GTF2IRD1: variants seen among roughly 807,000 people sequenced by gnomAD.
GTF2IRD1 encodes the protein GTF2I repeat domain containing 1.
Under a neutral mutation model 113.2 loss-of-function variants are expected in GTF2IRD1, and 26 were observed. The observed-to-expected ratio is 0.23, with a 90% CI of 0.17 to 0.32. GTF2IRD1 has a LOEUF of 0.32. Among genes scored for constraint, GTF2IRD1 ranks in the 10% least tolerant of loss-of-function variants. GTF2IRD1 has a pLI of 1.00. For synonymous variants in GTF2IRD1, 484 were observed against 529.1 expected, an observed-to-expected ratio of 0.91 and a Z score of 1.17; for missense variants, 864 against 1,280.8, an observed-to-expected ratio of 0.67 and a Z score of 4.97.
At chr7:74,554,240 T>A (rs1226255151) in intron 17 of GTF2IRD1, among the ~76,000 whole-genome samples, 2 of 152,136 alleles carry the variant, frequency 1.3e-5, no homozygotes, top group Non-Finnish European at 2.9e-5. Flanking sequence ...AGCATGATTT[T>A]CCCAGTGTCC....
intron 24 of GTF2IRD1, 135 bp from the exon 25 acceptor site, chr7:74,594,879 G>A (rs1375426025): frequency 1.7e-5 from 9 of 518,630 alleles, no homozygotes; most frequent in Non-Finnish European, 2.9e-5. Context: ...GTGAACCCAG[G>A]AGGTGGAGGC....
At chr7:74,494,742 C>A (rs1795559878) in intron 1 of GTF2IRD1, among the ~76,000 whole-genome samples, 2 of 152,016 alleles carry the variant, frequency 1.3e-5, no homozygotes, top group South Asian at 4.1e-4. Context: ...AAACAAAAAA[C>A]CAAAAAACTT....
At chr7:74,478,428 G>A (rs571192716) in intron 1 of GTF2IRD1, among the ~76,000 whole-genome samples, 26 of 152,044 alleles carry the variant, frequency 1.7e-4, no homozygotes, top group Middle Eastern at 3.4e-3. Context: ...CTTTTGCTCA[G>A]TGGGGAGAGG....
chr7:74,520,450 G>A (rs1411619056), intron 6 of GTF2IRD1, among the ~76,000 whole-genome samples: 1 of 152,140 alleles, frequency 6.6e-6, no homozygotes, highest in African/African-American at 2.4e-5. Flanking sequence ...AGTGGTACCT[G>A]CTTCCCAGAA....
chr7:74,488,630 C>T (rs1296039229), intron 1 of GTF2IRD1, among the ~76,000 whole-genome samples: 33 of 150,586 alleles, frequency 2.2e-4, no homozygotes, highest in African/African-American at 7.3e-4. Flanking sequence ...TGGTGGCAGG[C>T]GCCCGTAGTC....
At chr7:74,571,600 G>A (rs1193597553) in intron 22 of GTF2IRD1, among the ~76,000 whole-genome samples, 6 of 152,180 alleles carry the variant, frequency 3.9e-5, no homozygotes, top group African/African-American at 1.2e-4. Context: ...AGTGGCTCAC[G>A]CCTGTAATCC....
intron 22 of GTF2IRD1, among the ~76,000 whole-genome samples, chr7:74,584,080 C>T (rs1299911623): frequency 1.3e-5 from 2 of 152,094 alleles, no homozygotes; most frequent in African/African-American, 4.8e-5. Context: ...GGGGAGGACA[C>T]AGCCAGGAAA....
chr7:74,569,238 C>G (rs1428963828), intron 22 of GTF2IRD1, among the ~76,000 whole-genome samples: 5 of 152,232 alleles, frequency 3.3e-5, no homozygotes, highest in Non-Finnish European at 7.3e-5. Flanking sequence ...AAATCCCCTC[C>G]TCCCATCCCG....
intron 23 of GTF2IRD1, 50 bp downstream of exon 23, chr7:74,589,978 G>A (rs781895466): frequency 3.2e-5 from 40 of 1,243,634 alleles, no homozygotes; most frequent in Non-Finnish European, 4.5e-5. Context: ...TCCCGGGGGT[G>A]GTGGGGGGCC....
intron 12 of GTF2IRD1, 48 bp from the exon 13 acceptor site, chr7:74,538,632 G>C (rs782052387): frequency 9.4e-7 from 1 of 1,062,446 alleles, no homozygotes; most frequent in South Asian, 1.2e-5. Flanking sequence ...ACTCTGCCCA[G>C]TCGGGATCAT....
intron 22 of GTF2IRD1, among the ~76,000 whole-genome samples, chr7:74,584,611 C>G (rs1252418399): frequency 6.6e-6 from 1 of 152,094 alleles, no homozygotes. Context: ...TTGTCCCCTG[C>G]CTGTGAAGAT....
chr7:74,555,309 T>C lies in GTF2IRD1; in HGVS notation c.1966+86T>C. On this transcript the variant is annotated intron_variant, in intron 18 of 26. Coordinates refer to ENST00000424337, the MANE Select transcript of GTF2IRD1 (RefSeq NM_005685.4). The surrounding 1 kb of genome is among the most constrained non-coding windows in gnomAD (Gnocchi z 5.3). ...GCCACCAGCCCCTCCTCCTGCTGCC[T>C]CTGTCCTGCTCCCATCCTGGCCCTG... is the stretch of plus-strand genomic sequence containing the variant. 3 of 1,467,688 alleles carry C rather than the reference T, an allele frequency of 2.0e-6. No individual in the cohort carries two copies. The highest frequency in any genetic ancestry group is 2.9e-6 in the Non-Finnish European group (3 of 1,050,114). 90.9% of individuals were successfully genotyped at this position (1,467,688 alleles called of 1,614,324 possible).
chr7:74,598,328 C>T (rs1414362106), intron 25 of GTF2IRD1, among the ~76,000 whole-genome samples: 2 of 152,036 alleles, frequency 1.3e-5, no homozygotes, highest in Middle Eastern at 3.4e-3. Flanking sequence ...AGGCCAGTCG[C>T]GGTGGCTCAC....
intron 1 of GTF2IRD1, among the ~76,000 whole-genome samples, chr7:74,489,280 G>A (rs1795197464): frequency 6.6e-6 from 1 of 152,170 alleles, no homozygotes; most frequent in Non-Finnish European, 1.5e-5. Flanking sequence ...TTCTTTTCAT[G>A]TCTCTAGTTG....
chr7:74,520,599 CT>C (rs1410929108), intron 6 of GTF2IRD1, among the ~76,000 whole-genome samples: 23 of 151,914 alleles, frequency 1.5e-4, no homozygotes, highest in African/African-American at 4.8e-4. Context: ...TTTTGGATAA[CT>C]CTGCCAAGTG....
chr7:74,480,238 C>G (rs782038111), intron 1 of GTF2IRD1, among the ~76,000 whole-genome samples: 28 of 152,210 alleles, frequency 1.8e-4, no homozygotes, highest in Admixed American at 4.6e-4. Context: ...CTGTTGGGCC[C>G]TGTGCGGTGT....
rs1554336322 is a variant in GTF2IRD1, at chr7:74,489,809, G to T, written c.-6-18266G>T. ...CACCAAAGTTCCTCCCAGGGACTGG[G>T]AGGGCCCAGCTGCCCCAAGCACTGG... On this transcript the variant is annotated intron_variant, in intron 1 of 26. Transcript: ENST00000424337. Among the ~76,000 whole-genome samples the T allele has an allele frequency of 2.0e-5, 3 of 152,190 alleles. No individual in the cohort carries two copies. In the East Asian group the frequency reaches 5.8e-4, roughly 29 times the overall value.
intron 24 of GTF2IRD1, among the ~76,000 whole-genome samples, chr7:74,593,884 A>G (rs1802231999): frequency 6.6e-6 from 1 of 151,796 alleles, no homozygotes; most frequent in Admixed American, 6.6e-5. Flanking sequence ...AGCCTGGGCG[A>G]CAGAGTAAGA....
chr7:74,559,991 G>A (rs1799852171), intron 22 of GTF2IRD1, among the ~76,000 whole-genome samples: 1 of 152,186 alleles, frequency 6.6e-6, no homozygotes, highest in Middle Eastern at 3.4e-3. Context: ...TGTTGGCCAG[G>A]GCTGGTCTCA....
Sources: allele counts gnomAD v4.1 joint callset (sites outside exome capture counted in the v4.1 genomes callset), GRCh38; gene constraint gnomAD v4.1.1; non-coding constraint Gnocchi (gnomAD v3.1); transcripts MANE v1.5; gene names NCBI Gene and HGNC (gene_info 2026-07-23, HGNC 2026-07-21).